B3GLCT: variants seen among roughly 807,000 people sequenced by gnomAD.
The protein encoded by B3GLCT is beta 3-glucosyltransferase.
A neutral mutation model predicts 63.4 loss-of-function variants in B3GLCT; 65 were observed. That is an observed-to-expected ratio of 1.03 (90% CI 0.84 to 1.26). The LOEUF is 1.26. B3GLCT is among the 50% of genes most tolerant of loss of function. The pLI is 0.00. For missense variants in B3GLCT, 577 were observed against 604.8 expected, an observed-to-expected ratio of 0.95 and a Z score of 0.48; for synonymous variants, 233 against 219.2, an observed-to-expected ratio of 1.06 and a Z score of -0.55.
At chr13:31,316,407 T>TATATATATATATATATATATATATA (rs1555255282) in intron 12 of B3GLCT, among the ~76,000 whole-genome samples, 3 of 40,868 alleles carry the variant, frequency 7.3e-5, no homozygotes, top group Admixed American at 3.7e-4. Context: ...TTTGGAGGTT[T>TATATATATATATATATATATATATA]TATATATATA....
intron 4 of B3GLCT, among the ~76,000 whole-genome samples, chr13:31,229,807 C>A (rs865920655): frequency 1.3e-4 from 19 of 148,228 alleles, no homozygotes; most frequent in African/African-American, 4.2e-4. Flanking sequence ...TTATCATATT[C>A]TGAATTTTTT....
At chr13:31,285,086 G>T (rs1873254561) in intron 11 of B3GLCT, among the ~76,000 whole-genome samples, 1 of 152,064 alleles carries the variant, frequency 6.6e-6, no homozygotes, top group South Asian at 2.1e-4. Context: ...TTCTCTCCTT[G>T]TCAGTCTTAT....
intron 12 of B3GLCT, 66 bp downstream of exon 12, chr13:31,286,885 T>C (rs1257262290): frequency 8.8e-7 from 1 of 1,137,188 alleles, no homozygotes; most frequent in Non-Finnish European, 1.3e-6. Flanking sequence ...AAAAACTAGA[T>C]GGGTACTTTT....
intron 12 of B3GLCT, among the ~76,000 whole-genome samples, chr13:31,293,830 T>G (rs1873801183): frequency 6.6e-6 from 1 of 152,242 alleles, no homozygotes; most frequent in Non-Finnish European, 1.5e-5. Context: ...TTGTTATGTG[T>G]GAATTTGATT....
intron 6 of B3GLCT, among the ~76,000 whole-genome samples, chr13:31,256,005 G>T (rs187341277): frequency 3.3e-5 from 5 of 152,160 alleles, no homozygotes; most frequent in Admixed American, 3.3e-4. Context: ...GACCAAACAT[G>T]CAACCTACAG....
At chr13:31,268,009 A>T (rs9530024) in intron 7 of B3GLCT, among the ~76,000 whole-genome samples, 35,294 of 151,352 alleles carry the variant, frequency 0.23, 4,139 homozygotes, top group East Asian at 0.24. Flanking sequence ...TAACTTAAAA[A>T]TTTTTTTTTA....
At chr13:31,205,859 A>C (rs1358843730) in intron 1 of B3GLCT, among the ~76,000 whole-genome samples, 2 of 152,236 alleles carry the variant, frequency 1.3e-5, no homozygotes, top group Non-Finnish European at 2.9e-5. Flanking sequence ...AGACAAAACA[A>C]AAATAAAAAC....
intron 12 of B3GLCT, among the ~76,000 whole-genome samples, chr13:31,302,080 C>G (rs1173773274): frequency 6.6e-6 from 1 of 152,180 alleles, no homozygotes; most frequent in African/African-American, 2.4e-5. Flanking sequence ...CTCCCCTCTC[C>G]CCTTCATCAT....
intron 2 of B3GLCT, among the ~76,000 whole-genome samples, chr13:31,221,408 C>T (rs1040721822): frequency 2.6e-5 from 4 of 152,186 alleles, no homozygotes; most frequent in African/African-American, 7.2e-5. Flanking sequence ...TGCTGACTTA[C>T]GGTGATAACC....
chr13:31,266,102 A>G (rs1872297720), intron 7 of B3GLCT, among the ~76,000 whole-genome samples: 1 of 151,744 alleles, frequency 6.6e-6, no homozygotes, highest in Non-Finnish European at 1.5e-5. Context: ...GGTTCACGCC[A>G]TTCTCCTGCC....
intron 2 of B3GLCT, among the ~76,000 whole-genome samples, chr13:31,219,506 T>TC (rs1869718075): frequency 6.6e-6 from 1 of 152,180 alleles, no homozygotes; most frequent in African/African-American, 2.4e-5. Context: ...TCAAAGTCCT[T>TC]GTGACTTTGA....
At chr13:31,237,610 C>T (rs1870722942) in intron 4 of B3GLCT, among the ~76,000 whole-genome samples, 1 of 152,138 alleles carries the variant, frequency 6.6e-6, no homozygotes, top group East Asian at 1.9e-4. Context: ...CCGCCTTGGC[C>T]TCCCAAAATG....
chr13:31,273,899 G>A (rs946471962), intron 8 of B3GLCT, among the ~76,000 whole-genome samples: 4 of 152,086 alleles, frequency 2.6e-5, no homozygotes, highest in Admixed American at 2.6e-4. Context: ...TTATGTAGGG[G>A]GATTGCTGTT....
chr13:31,288,309 G>A (rs1180508339), intron 12 of B3GLCT, among the ~76,000 whole-genome samples: 1 of 152,046 alleles, frequency 6.6e-6, no homozygotes, highest in Non-Finnish European at 1.5e-5. Flanking sequence ...GTCTCAGTGG[G>A]TTGCTCCACC....
intron 13 of B3GLCT, among the ~76,000 whole-genome samples, chr13:31,320,871 C>T (rs1214630216): frequency 6.6e-6 from 1 of 152,168 alleles, no homozygotes; most frequent in East Asian, 1.9e-4. Flanking sequence ...TGTCTAGTTC[C>T]TCCTTGTTCT....
chr13:31,254,929 C>A (rs1053640147), intron 6 of B3GLCT, among the ~76,000 whole-genome samples: 4 of 151,376 alleles, frequency 2.6e-5, no homozygotes, highest in Non-Finnish European at 4.4e-5. Flanking sequence ...CCCAGCTACT[C>A]GGGAGGCTGA....
chr13:31,212,690 A>AT (rs1362252271), intron 1 of B3GLCT, among the ~76,000 whole-genome samples: 1 of 152,180 alleles, frequency 6.6e-6, no homozygotes, highest in African/African-American at 2.4e-5. Flanking sequence ...GATTACACAG[A>AT]TGTGAGCCAC....
At chr13:31,282,516 C>T (rs1302700034) in intron 10 of B3GLCT, among the ~76,000 whole-genome samples, 1 of 152,004 alleles carries the variant, frequency 6.6e-6, no homozygotes, top group Admixed American at 6.5e-5. Flanking sequence ...GTGGCGGGCG[C>T]CTGTAGTCCC....
chr13:31,255,448 C>A (rs1353812596), intron 6 of B3GLCT, among the ~76,000 whole-genome samples: 1 of 152,116 alleles, frequency 6.6e-6, no homozygotes, highest in Non-Finnish European at 1.5e-5. Context: ...TTGGAAAAAA[C>A]TACTTTAAAT....
Sources: gnomAD v4.1 joint callset for allele counts (sites outside exome capture counted in the v4.1 genomes callset) on GRCh38, gnomAD v4.1.1 for gene constraint, MANE v1.5 for transcripts, NCBI Gene and HGNC (gene_info 2026-07-23, HGNC 2026-07-21) for gene names.